The following WFDC1 variants were observed in gnomAD, a reference collection of about 807,000 sequenced individuals.
WFDC1 encodes the protein WAP four-disulfide core domain 1.
A neutral mutation model predicts 32.9 loss-of-function variants in WFDC1; 39 were observed. The observed-to-expected ratio is 1.19, with a 90% CI of 0.92 to 1.55. WFDC1 has a LOEUF of 1.55. Ranked by LOEUF, WFDC1 falls within the 40% of genes most tolerant of loss-of-function variation. WFDC1 has a pLI of 0.00. For missense variants in WFDC1, 386 were observed against 309.5 expected (o/e 1.25, Z -1.85); for synonymous variants, 184 against 137.4 (o/e 1.34, Z -2.37).
At chr16:84,322,835 A>G (rs1908386625) in intron 4 of WFDC1, among the ~76,000 whole-genome samples, 1 of 152,244 alleles carries the variant, frequency 6.6e-6, no homozygotes, top group African/African-American at 2.4e-5. Context: ...GAGGTCACAC[A>G]GAAGCTGAGC....
intron 3 of WFDC1, chr16:84,318,948 A>G (rs73252597): frequency 1.2e-3 from 243 of 195,940 alleles, no homozygotes; most frequent in African/African-American, 5.5e-3. Flanking sequence ...GTGTGCATGC[A>G]AAAGTGTGTG....
At chr16:84,297,617 CAAAAA>C (rs150683526) in intron 1 of WFDC1, among the ~76,000 whole-genome samples, 11,368 of 67,844 alleles carry the variant, frequency 0.17, 381 homozygotes, top group Middle Eastern at 0.38. Context: ...AACTCTGTCT[CAAAAA>C]AAAAAAAAAA....
Position 84,297,617 on chromosome 16 carries a change from C to CA in WFDC1, c.144+2532dup, listed in dbSNP as rs150683526. Among the ~76,000 whole-genome samples, 492 of 69,458 alleles carry CA rather than the reference C, an allele frequency of 7.1e-3. 27 individuals carry two copies. The highest frequency in any genetic ancestry group is 0.012 in the African/African-American group (216 of 17,394). 45.6% of individuals were successfully genotyped at this position (69,458 alleles called of 152,430 possible). On this transcript the variant is annotated intron_variant, in intron 1 of 6. Transcript: ENST00000219454. ...GGGCAACAAGAGTGAAACTCTGTCT[C>CA]AAAAAAAAAAAAAAAAAAAAAAAAA...
chr16:84,307,608 G>T (rs928960646), intron 1 of WFDC1, among the ~76,000 whole-genome samples: 2 of 152,170 alleles, frequency 1.3e-5, no homozygotes, highest in Admixed American at 6.5e-5. Flanking sequence ...GGCATTTGTG[G>T]TGGGTGAAAA....
intron 1 of WFDC1, among the ~76,000 whole-genome samples, chr16:84,303,217 G>A (rs898064140): frequency 2.0e-5 from 3 of 152,074 alleles, no homozygotes; most frequent in Admixed American, 6.6e-5. Flanking sequence ...GGAAGAGCAA[G>A]TAATGCTTAG....
chr16:84,326,734 C>G, intron 5 of WFDC1, 148 bp from the exon 6 acceptor site: 2 of 804,808 alleles, frequency 2.5e-6, no homozygotes, highest in Non-Finnish European at 4.2e-6. Flanking sequence ...AGAGGAGGCA[C>G]TGCAGGTGGG....
chr16:84,300,006 C>G (rs533575406), intron 1 of WFDC1, among the ~76,000 whole-genome samples: 2 of 152,230 alleles, frequency 1.3e-5, no homozygotes, highest in African/African-American at 2.4e-5. Context: ...TTCCCCATCT[C>G]CTTTCCCCCA....
chr16:84,312,630 A>C (rs913483130), intron 1 of WFDC1, among the ~76,000 whole-genome samples: 3 of 152,188 alleles, frequency 2.0e-5, no homozygotes, highest in Admixed American at 2.0e-4. Context: ...ATATACACAT[A>C]TATACCACAT....
intron 1 of WFDC1, among the ~76,000 whole-genome samples, chr16:84,301,673 G>C (rs2151367144): frequency 6.6e-6 from 1 of 152,292 alleles, no homozygotes; most frequent in East Asian, 1.9e-4. Flanking sequence ...ATGTCGTACT[G>C]ATGTGAAGCA....
chr16:84,307,176 C>T (rs534002122), intron 1 of WFDC1, among the ~76,000 whole-genome samples: 26 of 152,122 alleles, frequency 1.7e-4, no homozygotes, highest in African/African-American at 6.0e-4. Context: ...AATTCCAGTC[C>T]GACCTCTAGG....
intron 1 of WFDC1, among the ~76,000 whole-genome samples, chr16:84,300,902 G>A (rs906473529): frequency 1.3e-5 from 2 of 151,992 alleles, no homozygotes; most frequent in East Asian, 1.9e-4. Context: ...CCTGGGAGGC[G>A]AGGTGGACGT....
chr16:84,298,640 T>C (rs1033793782), intron 1 of WFDC1, among the ~76,000 whole-genome samples: 2 of 152,216 alleles, frequency 1.3e-5, no homozygotes, highest in African/African-American at 4.8e-5. Context: ...GGTTCAGTCC[T>C]GACCAAGCGC....
intron 1 of WFDC1, among the ~76,000 whole-genome samples, chr16:84,307,661 T>C (rs1297984036): frequency 6.6e-6 from 1 of 152,196 alleles, no homozygotes; most frequent in Non-Finnish European, 1.5e-5. Flanking sequence ...ATTTCATAAA[T>C]GAGGCTTCAT....
intron 4 of WFDC1, 77 bp downstream of exon 4, chr16:84,319,648 G>A: frequency 6.5e-7 from 1 of 1,549,636 alleles, no homozygotes; most frequent in Non-Finnish European, 8.7e-7. Flanking sequence ...TCACCCGCAT[G>A]GACGACCTGC....
At chr16:84,318,944 A>G (rs555511769) in intron 3 of WFDC1, 5 of 194,418 alleles carry the variant, frequency 2.6e-5, no homozygotes, top group South Asian at 2.0e-4. Context: ...GTGTGTGTGC[A>G]TGCAAAAGTG....
chr16:84,313,049 GC>G lies in WFDC1; in HGVS notation c.235del (p.Gln79ArgfsTer27). On this transcript the variant is annotated frameshift_variant, in exon 2 of 7. Coordinates refer to ENST00000219454, the MANE Select transcript of WFDC1 (RefSeq NM_021197.4). LOFTEE classifies it high-confidence loss of function. ...PPPRTLPPGACQAARCQADSE... is the reference protein window; with the variant it reads ...PPPRTLPPGAXQAARCQADSE... ...CCGCGGACGCTGCCCCCCGGCGCCT[GC>G]CAGGCCGCGCGCTGTCAGGCGGACT... 1 of 1,381,428 alleles carries G rather than the reference GC, an allele frequency of 7.2e-7. No individual in the cohort carries two copies. The allele number at this position is 1,381,428 out of a possible 1,614,324, so 85.6% of individuals were successfully genotyped here.
At chr16:84,305,572 A>G (rs1038545664) in intron 1 of WFDC1, among the ~76,000 whole-genome samples, 1 of 152,196 alleles carries the variant, frequency 6.6e-6, no homozygotes, top group Non-Finnish European at 1.5e-5. Context: ...CATCTAACCT[A>G]ACGCTATGGA....
At chr16:84,299,986 C>T (rs1040157389) in intron 1 of WFDC1, among the ~76,000 whole-genome samples, 3 of 152,248 alleles carry the variant, frequency 2.0e-5, no homozygotes, top group East Asian at 1.9e-4. Context: ...CCACAACTTG[C>T]ATTCCTCAGT....
intron 4 of WFDC1, among the ~76,000 whole-genome samples, chr16:84,319,959 A>C (rs1191039222): frequency 6.6e-6 from 1 of 152,206 alleles, no homozygotes; most frequent in African/African-American, 2.4e-5. Flanking sequence ...CCTAAGGAAT[A>C]GTAGGTGGTC....
Sources: allele counts gnomAD v4.1 joint callset (sites outside exome capture counted in the v4.1 genomes callset), GRCh38; gene constraint gnomAD v4.1.1; transcripts MANE v1.5; gene names NCBI Gene and HGNC (gene_info 2026-07-23, HGNC 2026-07-21).